Variants in ANKRD42 observed in about 807,000 individuals in gnomAD.
ANKRD42 encodes ankyrin repeat domain-containing protein 42.
A neutral mutation model predicts 51.5 loss-of-function variants in ANKRD42; 43 were observed. The observed-to-expected ratio is 0.83, with a 90% CI of 0.65 to 1.08. The LOEUF is 1.08. Ranked by LOEUF, ANKRD42 falls within the 50% of genes least tolerant of loss-of-function variation. The pLI, the probability that ANKRD42 is intolerant of heterozygous loss-of-function variation, is 0.00. For missense variants in ANKRD42, 608 were observed against 629.3 expected, an observed-to-expected ratio of 0.97 and a Z score of 0.36; for synonymous variants, 203 against 213.0, an observed-to-expected ratio of 0.95 and a Z score of 0.41.
At chr11:83,240,217 A>G (rs969653897) in intron 8 of ANKRD42, among the ~76,000 whole-genome samples, 1 of 152,230 alleles carries the variant, frequency 6.6e-6, no homozygotes, top group African/African-American at 2.4e-5. Context: ...GATGCAGGAA[A>G]GATTAAGGAG....
chr11:83,247,468 T>C (rs1411272340), intron 10 of ANKRD42, among the ~76,000 whole-genome samples: 1 of 152,192 alleles, frequency 6.6e-6, no homozygotes, highest in Non-Finnish European at 1.5e-5. Context: ...TTGTTCCTTT[T>C]GTCTGGAATG....
At chr11:83,200,575 C>T (rs1056822923) in intron 2 of ANKRD42, among the ~76,000 whole-genome samples, 2 of 152,178 alleles carry the variant, frequency 1.3e-5, no homozygotes, top group African/African-American at 4.8e-5. Context: ...GATGAAGGTG[C>T]AGTTCGTGTT....
intron 7 of ANKRD42, among the ~76,000 whole-genome samples, chr11:83,232,499 T>C (rs1459214919): frequency 6.6e-6 from 1 of 152,150 alleles, no homozygotes; most frequent in Non-Finnish European, 1.5e-5. Context: ...TTGTGTGGGG[T>C]CTTTAGGTTT....
intron 1 of ANKRD42, among the ~76,000 whole-genome samples, chr11:83,196,948 A>G (rs1384298680): frequency 6.6e-6 from 1 of 152,220 alleles, no homozygotes; most frequent in Non-Finnish European, 1.5e-5. Context: ...GGTCTGTGTA[A>G]GATGGATTAG....
chr11:83,234,209 A>C (rs1022662925), intron 7 of ANKRD42, among the ~76,000 whole-genome samples: 1 of 152,110 alleles, frequency 6.6e-6, no homozygotes, highest in Admixed American at 6.5e-5. Flanking sequence ...GGTACCATCT[A>C]TATGTTTCTA....
chr11:83,195,057 GTACT>G (rs989009546), intron 1 of ANKRD42, among the ~76,000 whole-genome samples: 34 of 152,134 alleles, frequency 2.2e-4, no homozygotes, highest in Admixed American at 2.0e-3. Flanking sequence ...TGACAAATTA[GTACT>G]TACTTAGTTT....
downstream of ANKRD42, among the ~76,000 whole-genome samples, chr11:83,258,194 G>C (rs1206657711): frequency 6.6e-6 from 1 of 152,132 alleles, no homozygotes; most frequent in Non-Finnish European, 1.5e-5. Flanking sequence ...ACATTGGACT[G>C]TAAGAGAGAA....
At chr11:83,219,938 G>A (rs1251747225) in intron 5 of ANKRD42, among the ~76,000 whole-genome samples, 1 of 152,228 alleles carries the variant, frequency 6.6e-6, no homozygotes, top group Non-Finnish European at 1.5e-5. Context: ...GCCACTCCAA[G>A]AATTCAAGAC....
intron 7 of ANKRD42, among the ~76,000 whole-genome samples, chr11:83,230,838 G>C (rs1225559329): frequency 6.6e-6 from 1 of 152,044 alleles, no homozygotes; most frequent in Non-Finnish European, 1.5e-5. Flanking sequence ...CGCCCACCTC[G>C]GCCTCCCAAA....
At chr11:83,203,582 C>T (rs958555037) in intron 2 of ANKRD42, among the ~76,000 whole-genome samples, 6 of 151,674 alleles carry the variant, frequency 4.0e-5, no homozygotes, top group South Asian at 2.1e-4. Flanking sequence ...TTAGTAGAGA[C>T]GGAGTTTCAT....
At chr11:83,246,037 T>C (rs923324408) in intron 10 of ANKRD42, among the ~76,000 whole-genome samples, 1 of 152,222 alleles carries the variant, frequency 6.6e-6, no homozygotes, top group African/African-American at 2.4e-5. Flanking sequence ...CTAGAGGCAG[T>C]GAGCAAGTGC....
At position 83,244,911 on chromosome 11, in the gene ANKRD42, C is replaced by CT. The variant is rs903045976; in HGVS notation, c.1196-576dup. 4.7e-4 allele frequency among the ~76,000 whole-genome samples: 69 copies of CT among 147,102 alleles called. 1 individual carries two copies. The highest frequency in any genetic ancestry group is 9.9e-4 in the African/African-American group (40 of 40,288). ...CCATTAGTCCTAAAACACTGCTAGT[C>CT]TTTTTTTTTTTGAGACGGAGTCTTG... On this transcript the variant is annotated intron_variant, in intron 9 of 10. Coordinates refer to ENST00000533342, the MANE Select transcript of ANKRD42 (RefSeq NM_001300975.2).
chr11:83,237,383 ACTTTT>A (rs57631682), intron 8 of ANKRD42, among the ~76,000 whole-genome samples: 39,911 of 151,760 alleles, frequency 0.26, 5,349 homozygotes, highest in Middle Eastern at 0.4. Context: ...GAAAGAAAAA[ACTTTT>A]CTTTTGAGGA....
At chr11:83,210,642 G>A (rs963677538) in intron 4 of ANKRD42, among the ~76,000 whole-genome samples, 2 of 152,186 alleles carry the variant, frequency 1.3e-5, no homozygotes, top group African/African-American at 4.8e-5. Flanking sequence ...AAGTACTTGA[G>A]AGGTTTTGGG....
intron 11 of ANKRD42, chr11:83,255,814 T>C: frequency 1.3e-6 from 2 of 1,488,944 alleles, no homozygotes; most frequent in Non-Finnish European, 1.8e-6. Context: ...GCATGAAAAT[T>C]GTATTTGACC....
chr11:83,195,932 G>A (rs932971202), intron 1 of ANKRD42, among the ~76,000 whole-genome samples: 21 of 148,404 alleles, frequency 1.4e-4, no homozygotes, highest in African/African-American at 5.0e-4. Context: ...TGCAATCTCC[G>A]CCTTCCAGGT....
intron 5 of ANKRD42, chr11:83,213,231 A>C (rs1862397952): frequency 6.3e-7 from 1 of 1,598,984 alleles, no homozygotes; most frequent in African/African-American, 1.3e-5. Flanking sequence ...GACTTCTGGA[A>C]GTTCCTGGTC....
intron 5 of ANKRD42, among the ~76,000 whole-genome samples, chr11:83,220,105 G>C (rs1260790770): frequency 6.6e-6 from 1 of 152,160 alleles, no homozygotes; most frequent in Non-Finnish European, 1.5e-5. Flanking sequence ...GCCTCTGGTG[G>C]GACCATTGTC....
At position 83,233,085 on chromosome 11, in the gene ANKRD42, C is replaced by A. The variant is rs192778397; in HGVS notation, c.914-3319C>A. The stretch of plus-strand genomic sequence containing the variant: ...GTCTGATTTTGGAGTCAGGGTAATA[C>A]TGGCCTTGTAGAATGGATTTGGAAG... On this transcript the variant is annotated intron_variant, in intron 7 of 10. Coordinates refer to ENST00000533342, the MANE Select transcript of ANKRD42 (RefSeq NM_001300975.2). Among the ~76,000 whole-genome samples, 62 of 152,044 alleles carry A rather than the reference C, an allele frequency of 4.1e-4. 2 individuals are homozygous for A. The highest frequency in any genetic ancestry group is 1.3e-3 in the African/African-American group (54 of 41,480).
Sources: allele counts gnomAD v4.1 joint callset (sites outside exome capture counted in the v4.1 genomes callset), GRCh38; gene constraint gnomAD v4.1.1; transcripts MANE v1.5; gene names NCBI Gene and HGNC (gene_info 2026-07-23, HGNC 2026-07-21).